Variants in SEPTIN2 observed in about 807,000 individuals in gnomAD.
SEPTIN2 encodes the protein septin-2.
SEPTIN2 carries 34 observed loss-of-function variants against 46.5 expected under a neutral mutation model. The observed-to-expected ratio is 0.73, with a 90% CI of 0.56 to 0.97. The LOEUF (loss-of-function observed/expected upper bound fraction) is 0.97. Among genes scored for constraint, SEPTIN2 ranks in the 50% least tolerant of loss-of-function variants. The probability of loss-of-function intolerance (pLI) is 0.00; values close to 1 mark genes in which losing one functional copy is unlikely to be tolerated. For missense variants in SEPTIN2, 347 were observed against 448.4 expected, an observed-to-expected ratio of 0.77 and a Z score of 2.04; for synonymous variants, 175 against 153.4, an observed-to-expected ratio of 1.14 and a Z score of -1.04.
At chr2:241,348,482 T>C (rs937010275) in intron 11 of SEPTIN2, among the ~76,000 whole-genome samples, 1 of 152,108 alleles carries the variant, frequency 6.6e-6, no homozygotes, top group Non-Finnish European at 1.5e-5. Context: ...CTGCCCACCT[T>C]GGCCTCCCAA....
intron 1 of SEPTIN2, among the ~76,000 whole-genome samples, chr2:241,318,048 CCT>C (rs978479123): frequency 5.9e-5 from 9 of 151,918 alleles, no homozygotes; most frequent in African/African-American, 1.9e-4. Flanking sequence ...GTTCATAATT[CCT>C]CTTTCACCTT....
At chr2:241,339,703 G>T (rs76401496) in intron 7 of SEPTIN2, among the ~76,000 whole-genome samples, 1 of 151,892 alleles carries the variant, frequency 6.6e-6, no homozygotes, top group Non-Finnish European at 1.5e-5. Context: ...CCCCTTGCTC[G>T]CTGCTTTTGC....
intron 7 of SEPTIN2, among the ~76,000 whole-genome samples, chr2:241,342,534 A>ATTTTTTTTTTTTTTTTTTTTTTTTTTTT (rs548033372): frequency 1.1e-5 from 1 of 86,986 alleles, no homozygotes. Context: ...AGTTTTGTAA[A>ATTTTTTTTTTTTTTTTTTTTTTTTTTTT]TTTTTTTTTT....
intron 7 of SEPTIN2, among the ~76,000 whole-genome samples, chr2:241,339,911 G>T (rs574352200): frequency 2.6e-5 from 4 of 152,296 alleles, no homozygotes; most frequent in African/African-American, 7.2e-5. Context: ...CCTGAGATCA[G>T]GAATCTGCTT....
At chr2:241,325,250 T>C (rs2077760244) in intron 2 of SEPTIN2, 1 of 152,222 alleles carries the variant, frequency 6.6e-6, no homozygotes, top group Admixed American at 6.5e-5. Context: ...AAATTTCTTC[T>C]CATTTTCAGT....
Position 241,338,772 on chromosome 2 carries a change from ATAT to A in SEPTIN2, c.594+986_594+988del, listed in dbSNP as rs1365279997. 3.3e-4 allele frequency among the ~76,000 whole-genome samples: 10 copies of A among 30,476 alleles called. No individual in the cohort carries two copies. In the East Asian group the frequency reaches 0.012, roughly 37 times the overall value. The allele number at this position is 30,476 out of a possible 152,430, so 20.0% of individuals were successfully genotyped here. On this transcript the variant is annotated intron_variant, in intron 7 of 12. Coordinates refer to ENST00000391971, the MANE Select transcript of SEPTIN2 (RefSeq NM_004404.5). ...TGTAATATATTTATATTGTTTATAT[ATAT>A]TATATTTATATTATTTATATATAAT...
intron 7 of SEPTIN2, among the ~76,000 whole-genome samples, chr2:241,338,740 ATT>A (rs1288027713): frequency 2.6e-5 from 2 of 75,966 alleles, no homozygotes; most frequent in Non-Finnish European, 5.4e-5. Flanking sequence ...ATATTATATT[ATT>A]TATATGTAAT....
chr2:241,337,652 C>G (rs1457180735), intron 6 of SEPTIN2, 21 bp from the exon 7 acceptor site: 2 of 1,591,156 alleles, frequency 1.3e-6, no homozygotes, highest in East Asian at 4.5e-5. Context: ...AAATAAGTGA[C>G]AATTCTAAAA....
At chr2:241,326,919 T>C (rs1332898746) in intron 3 of SEPTIN2, among the ~76,000 whole-genome samples, 1 of 151,920 alleles carries the variant, frequency 6.6e-6, no homozygotes, top group Non-Finnish European at 1.5e-5. Context: ...ACAGAAAATA[T>C]GAAAACTAGC....
intron 2 of SEPTIN2, 142 bp downstream of exon 2, chr2:241,324,383 G>A: frequency 1.7e-6 from 1 of 577,712 alleles, no homozygotes; most frequent in Admixed American, 3.9e-5. Context: ...TTCTAATTTA[G>A]TTGTCTTTTT....
intron 3 of SEPTIN2, among the ~76,000 whole-genome samples, chr2:241,326,714 A>G (rs560895891): frequency 2.6e-5 from 4 of 152,198 alleles, no homozygotes; most frequent in Admixed American, 2.6e-4. Flanking sequence ...ATGTCAAGAG[A>G]ACACTCAAGC....
At chr2:241,328,728 G>A (rs978072658) in intron 3 of SEPTIN2, among the ~76,000 whole-genome samples, 1 of 151,620 alleles carries the variant, frequency 6.6e-6, no homozygotes, top group Admixed American at 6.6e-5. Context: ...GGCAACAAGA[G>A]AGAAACTCCA....
chr2:241,320,770 CAA>C (rs768110811), intron 1 of SEPTIN2, among the ~76,000 whole-genome samples: 7 of 152,128 alleles, frequency 4.6e-5, no homozygotes, highest in Non-Finnish European at 7.4e-5. Context: ...GCCTGGGCAA[CAA>C]GAGCAAAACT....
At chr2:241,333,987 ACT>A (rs985962783) in intron 3 of SEPTIN2, among the ~76,000 whole-genome samples, 1 of 151,812 alleles carries the variant, frequency 6.6e-6, no homozygotes, top group Non-Finnish European at 1.5e-5. Flanking sequence ...AGTAGCTGGG[ACT>A]CTAGGTACAA....
chr2:241,348,056 T>C (rs1445554631), intron 10 of SEPTIN2, 78 bp from the exon 11 acceptor site: 2 of 1,163,694 alleles, frequency 1.7e-6, no homozygotes, highest in African/African-American at 3.1e-5. Flanking sequence ...ATTTTAAATT[T>C]TAAAGTAGAA....
At chr2:241,348,352 CG>C (rs1324949263) in intron 11 of SEPTIN2, among the ~76,000 whole-genome samples, 161 bp downstream of exon 11, 2 of 152,006 alleles carry the variant, frequency 1.3e-5, no homozygotes, top group African/African-American at 4.8e-5. Flanking sequence ...CTCAGCCTCC[CG>C]AGTAGCTGGG....
intron 4 of SEPTIN2, chr2:241,335,562 T>G: frequency 3.3e-6 from 2 of 614,998 alleles, no homozygotes; most frequent in Non-Finnish European, 5.7e-6. Context: ...CGAATTCATC[T>G]ACTGTCAGAA....
At chr2:241,333,032 G>A (rs1244731278) in intron 3 of SEPTIN2, among the ~76,000 whole-genome samples, 2 of 152,188 alleles carry the variant, frequency 1.3e-5, no homozygotes, top group African/African-American at 4.8e-5. Flanking sequence ...ATCTTGAGTG[G>A]AGTTTGATTA....
chr2:241,322,146 G>A (rs574439913), intron 1 of SEPTIN2, among the ~76,000 whole-genome samples: 8 of 152,272 alleles, frequency 5.3e-5, no homozygotes, highest in Non-Finnish European at 8.8e-5. Context: ...AGATTTGGGG[G>A]AGGGGAATCG....
Sources: gnomAD v4.1 joint callset for allele counts (sites outside exome capture counted in the v4.1 genomes callset) on GRCh38, gnomAD v4.1.1 for gene constraint, MANE v1.5 for transcripts, NCBI Gene and HGNC (gene_info 2026-07-23, HGNC 2026-07-21) for gene names.